ZBTB38: variants seen among roughly 807,000 people sequenced by gnomAD.
ZBTB38 encodes zinc finger and BTB domain-containing protein 38.
A neutral mutation model predicts 76.8 loss-of-function variants in ZBTB38; 20 were observed. The ratio of observed to expected loss-of-function variants is 0.26; its 90% CI spans 0.18 to 0.38. ZBTB38 has a LOEUF of 0.38. Ranked by LOEUF, ZBTB38 falls within the 10% of genes least tolerant of loss-of-function variation. The pLI is 1.00. For synonymous variants in ZBTB38, 504 were observed against 544.2 expected (o/e 0.93, Z 1.03); for missense variants, 1,082 against 1,482.3 (o/e 0.73, Z 4.43).
intron 4 of ZBTB38, chr3:141,389,004 C>T (rs1947979038): frequency 6.6e-6 from 1 of 152,322 alleles, no homozygotes; most frequent in South Asian, 2.1e-4. Context: ...TCAGAAAATG[C>T]TTGTACTCTT....
chr3:141,331,812 G>A (rs1339300893), intron 1 of ZBTB38, among the ~76,000 whole-genome samples: 1 of 152,216 alleles, frequency 6.6e-6, no homozygotes, highest in Non-Finnish European at 1.5e-5. Flanking sequence ...TTCACCAGCC[G>A]ATGAACAAGT....
intron 2 of ZBTB38, among the ~76,000 whole-genome samples, chr3:141,377,747 C>T (rs963326559): frequency 3.9e-5 from 6 of 152,330 alleles, no homozygotes; most frequent in East Asian, 1.9e-4. Flanking sequence ...GGTACATCCA[C>T]ACCTTGAAAT....
chr3:141,391,125 A>G (rs1948742458), intron 4 of ZBTB38, among the ~76,000 whole-genome samples: 1 of 152,050 alleles, frequency 6.6e-6, no homozygotes, highest in Non-Finnish European at 1.5e-5. Context: ...ATACTACTGC[A>G]CTCCAGCCTG....
intron 1 of ZBTB38, among the ~76,000 whole-genome samples, chr3:141,355,752 C>T (rs1302483524): frequency 1.3e-5 from 2 of 152,110 alleles, no homozygotes; most frequent in African/African-American, 4.8e-5. Flanking sequence ...GGACCATCCT[C>T]TCCTCCTTTA....
intron 5 of ZBTB38, among the ~76,000 whole-genome samples, chr3:141,421,634 T>A (rs569307991): frequency 7.9e-4 from 120 of 152,304 alleles, no homozygotes; most frequent in South Asian, 4.6e-3. Flanking sequence ...AGTTGCTCCC[T>A]CCCTGGTGGG....
At chr3:141,427,960 G>C (rs2076714830) in intron 5 of ZBTB38, 1 of 152,288 alleles carries the variant, frequency 6.6e-6, no homozygotes, top group African/African-American at 2.4e-5. Flanking sequence ...TTACATGTCA[G>C]GCGGCACCTG....
intron 2 of ZBTB38, among the ~76,000 whole-genome samples, chr3:141,374,777 A>G (rs2149076416): frequency 6.6e-6 from 1 of 152,218 alleles, no homozygotes; most frequent in South Asian, 2.1e-4. Flanking sequence ...GCACTGATAC[A>G]TTTTAATGTA....
intron 5 of ZBTB38, among the ~76,000 whole-genome samples, chr3:141,430,080 T>C (rs543440782): frequency 1.7e-3 from 258 of 151,698 alleles, no homozygotes; most frequent in Non-Finnish European, 3.3e-3. Context: ...GTTTTGTTTT[T>C]TTGAGACAGA....
At chr3:141,418,079 A>C (rs1233174020) in intron 5 of ZBTB38, among the ~76,000 whole-genome samples, 2 of 152,076 alleles carry the variant, frequency 1.3e-5, no homozygotes, top group Non-Finnish European at 2.9e-5. Flanking sequence ...AACACATCAG[A>C]ATCTTGAATT....
intron 1 of ZBTB38, among the ~76,000 whole-genome samples, chr3:141,338,259 C>G (rs571316375): frequency 6.6e-6 from 1 of 152,294 alleles, no homozygotes; most frequent in African/African-American, 2.4e-5. Flanking sequence ...TAAAACAGAA[C>G]TGCCACTCCA....
rs1559968056 is a variant in ZBTB38 at position 141,444,772 on chromosome 3, T to G, written c.2384T>G (p.Val795Gly). 4.3e-6 allele frequency: 7 copies of G among 1,614,128 alleles called. No homozygotes were observed. Among genetic ancestry groups the G allele is most frequent in the Non-Finnish European group, 5.9e-6 (7 of 1,180,020 alleles). ...GAAATACCGGAGGAGTCAAACTATG[T>G]TGCTGATCCTGGAGGATCACTGAGC... ...RGEIPEESNY[V>G]ADPGGSLSKT... is the part of the protein sequence containing the mutation. Residue 795 changes from valine (V) to glycine (G), a missense_variant, in exon 6 of 6, where the codon GTT becomes GGT. Physicochemically the swap from Val to Gly is moderately radical, Grantham distance 109. Around this residue, in one of 8 missense-constraint regions of ZBTB38, gnomAD observed 471 missense variants for 581.0 expected, o/e 0.81. Coordinates refer to ENST00000321464, the MANE Select transcript of ZBTB38 (RefSeq NM_001376113.1). This position sits in a 1 kb window ranked among gnomAD's most constrained non-coding sequence, Gnocchi z 5.1.
At position 141,334,459 on chromosome 3, in the gene ZBTB38, T is replaced by C. The variant is rs535756185; in HGVS notation, c.-739+10003T>C. Among the ~76,000 whole-genome samples the C allele has an allele frequency of 9.8e-4, 145 of 148,088 alleles. 2 individuals carry two copies. The East Asian group carries it at 0.026, about 27-fold the overall frequency. ...TTCCTTCCTTCTTTCCTTTCTTCCT[T>C]CCTTCCTTCCTTCCTTCTTTCCTTT... On this transcript the variant is annotated intron_variant, in intron 1 of 7. Transcript: ENST00000509842.
intron 5 of ZBTB38, among the ~76,000 whole-genome samples, chr3:141,409,413 G>C (rs183364669): frequency 6.6e-6 from 1 of 152,178 alleles, no homozygotes; most frequent in Non-Finnish European, 1.5e-5. Flanking sequence ...TCCACACTCT[G>C]GGCTGCCTCC....
chr3:141,340,924 G>GAAAA (rs1327664727), intron 1 of ZBTB38, among the ~76,000 whole-genome samples: 723 of 19,638 alleles, frequency 0.037, 11 homozygotes, highest in African/African-American at 0.27. Context: ...GAAAAGGAAA[G>GAAAA]GAAAAAAGAA....
intron 5 of ZBTB38, among the ~76,000 whole-genome samples, chr3:141,432,745 G>A (rs1257441454): frequency 6.6e-6 from 1 of 152,184 alleles, no homozygotes; most frequent in Non-Finnish European, 1.5e-5. Flanking sequence ...CTAATTGAAG[G>A]GAGAGAAGAT....
Position 141,426,278 on chromosome 3 carries a change from C to G in ZBTB38, c.1-16111C>G, listed in dbSNP as rs899210277. Reference sequence around the variant, plus strand: ...GCACACCTGCCCAGACCCTGTCTCCCAAACCCTGGCTCAGTGTCAGTGATA... The same window carrying G: ...GCACACCTGCCCAGACCCTGTCTCCGAAACCCTGGCTCAGTGTCAGTGATA... On this transcript the variant is annotated intron_variant, in intron 5 of 5. Coordinates refer to ENST00000321464, the MANE Select transcript of ZBTB38 (RefSeq NM_001376113.1). The G allele has an allele frequency of 3.0e-6, 3 of 996,996 alleles. No individual in the cohort carries two copies. The African/African-American group carries it at 5.0e-5, about 17-fold the overall frequency. The allele number at this position is 996,996 out of a possible 1,614,324, so 61.8% of individuals were successfully genotyped here.
chr3:141,382,385 A>G (rs1946326805), intron 3 of ZBTB38, among the ~76,000 whole-genome samples: 1 of 152,152 alleles, frequency 6.6e-6, no homozygotes, highest in African/African-American at 2.4e-5. Context: ...ATAATTTTTA[A>G]TATAGTGAAA....
rs754872291 is a variant in ZBTB38 at position 141,371,045 on chromosome 3, CTTTTTTTTTTT to C, written c.-235+1115_-235+1125del. On this transcript the variant is annotated intron_variant, in intron 2 of 5. Transcript: ENST00000321464. ...GTTTTTTCTTTTCTTTTCTTTCTTT[CTTTTTTTTTTT>C]TTTTTTTTTTTTTTTGAGGCAGAGT... Among the ~76,000 whole-genome samples the C allele has an allele frequency of 2.2e-4, 16 of 72,008 alleles. 1 individual carries two copies. Among genetic ancestry groups the C allele is most frequent in the African/African-American group, 3.1e-4 (4 of 12,854 alleles). The allele number at this position is 72,008 out of a possible 152,430, so 47.2% of individuals were successfully genotyped here.
At chr3:141,441,218 A>C (rs912320594) in intron 5 of ZBTB38, among the ~76,000 whole-genome samples, 3 of 152,034 alleles carry the variant, frequency 2.0e-5, no homozygotes, top group African/African-American at 7.2e-5. Flanking sequence ...CTATAATATC[A>C]GTTAGTAAGC....
Sources: allele counts gnomAD v4.1 joint callset (sites outside exome capture counted in the v4.1 genomes callset), GRCh38; gene constraint gnomAD v4.1.1; regional missense constraint gnomAD v4.1.1; non-coding constraint Gnocchi (gnomAD v3.1); transcripts MANE v1.5; gene names NCBI Gene and HGNC (gene_info 2026-07-23, HGNC 2026-07-21).